CDKAL1: variants seen among roughly 807,000 people sequenced by gnomAD.
CDKAL1 encodes threonylcarbamoyladenosine tRNA methylthiotransferase.
In CDKAL1, 32 loss-of-function variants were observed where a neutral mutation model predicts 68.2. The ratio of observed to expected loss-of-function variants is 0.47; its 90% CI spans 0.35 to 0.63. The LOEUF is 0.63. Among genes scored for constraint, CDKAL1 ranks in the 30% least tolerant of loss-of-function variants. The pLI, the probability that CDKAL1 is intolerant of heterozygous loss-of-function variation, is 0.00. For missense variants in CDKAL1, 606 were observed against 696.7 expected (o/e 0.87, Z 1.47); for synonymous variants, 234 against 244.3 (o/e 0.96, Z 0.39).
At chr6:21,188,287 C>T (rs367982748) in intron 13 of CDKAL1, among the ~76,000 whole-genome samples, 3 of 152,272 alleles carry the variant, frequency 2.0e-5, no homozygotes, top group South Asian at 2.1e-4. Flanking sequence ...GTTTCATCAA[C>T]ACGTTACATG....
At chr6:20,910,304 G>T (rs1017240676) in intron 9 of CDKAL1, among the ~76,000 whole-genome samples, 1 of 152,058 alleles carries the variant, frequency 6.6e-6, no homozygotes, top group Non-Finnish European at 1.5e-5. Flanking sequence ...AGGTAATGCT[G>T]CCTGACCTTG....
chr6:21,137,819 G>T (rs969373794), intron 13 of CDKAL1, among the ~76,000 whole-genome samples: 5 of 152,142 alleles, frequency 3.3e-5, no homozygotes, highest in Non-Finnish European at 7.4e-5. Flanking sequence ...ATAAGCCATG[G>T]TGTCCATATT....
At chr6:20,609,254 C>CT (rs201269364) in intron 4 of CDKAL1, among the ~76,000 whole-genome samples, 1,679 of 90,598 alleles carry the variant, frequency 0.019, 38 homozygotes, top group African/African-American at 0.082. Context: ...CTTCTTCTTC[C>CT]TCCTTCCTTC....
chr6:20,992,794 C>G (rs1418606457), intron 10 of CDKAL1, among the ~76,000 whole-genome samples: 1 of 151,272 alleles, frequency 6.6e-6, no homozygotes, highest in Non-Finnish European at 1.5e-5. Context: ...CCCATCTACT[C>G]GAGAGGCTGA....
chr6:20,757,057 C>T (rs1164483748), intron 6 of CDKAL1, among the ~76,000 whole-genome samples: 1 of 151,882 alleles, frequency 6.6e-6, no homozygotes, highest in Admixed American at 6.6e-5. Context: ...CCTCAGCCTC[C>T]TGAGTAGCTG....
chr6:20,864,214 T>G (rs1172824924), intron 9 of CDKAL1, among the ~76,000 whole-genome samples: 1 of 49,386 alleles, frequency 2.0e-5, no homozygotes, highest in Non-Finnish European at 3.8e-5. Context: ...ATCTGTAATG[T>G]TTTTACTTAA....
At chr6:21,206,020 A>AT (rs1257533376) in intron 15 of CDKAL1, among the ~76,000 whole-genome samples, 10 of 143,968 alleles carry the variant, frequency 6.9e-5, no homozygotes, top group African/African-American at 2.3e-4. Flanking sequence ...TTTTCTTTGT[A>AT]TTTTAGTAGA....
At chr6:21,089,881 G>C (rs1250211390) in intron 12 of CDKAL1, among the ~76,000 whole-genome samples, 1 of 152,170 alleles carries the variant, frequency 6.6e-6, no homozygotes, top group East Asian at 1.9e-4. Context: ...TTGGATTCTT[G>C]TTTGCCTCTG....
chr6:20,896,103 CT>C (rs777787310), intron 9 of CDKAL1, among the ~76,000 whole-genome samples: 41 of 90,154 alleles, frequency 4.5e-4, no homozygotes, highest in South Asian at 2.6e-3. Context: ...CTTTTCTTTT[CT>C]TTTTTTTTTT....
intron 8 of CDKAL1, among the ~76,000 whole-genome samples, chr6:20,835,904 C>T (rs372985795): frequency 6.6e-5 from 10 of 152,172 alleles, no homozygotes; most frequent in African/African-American, 2.2e-4. Flanking sequence ...CTTCTACTAC[C>T]GGCACCAAGA....
intron 3 of CDKAL1, among the ~76,000 whole-genome samples, chr6:20,546,891 G>A (rs1040212249): frequency 6.6e-6 from 1 of 152,084 alleles, no homozygotes; most frequent in Non-Finnish European, 1.5e-5. Flanking sequence ...AGAAGCTGAC[G>A]CTACTGGTCT....
At chr6:21,062,283 A>G (rs532222930) in intron 11 of CDKAL1, among the ~76,000 whole-genome samples, 4 of 152,300 alleles carry the variant, frequency 2.6e-5, no homozygotes, top group South Asian at 4.1e-4. Flanking sequence ...GAGATGGACT[A>G]TTCTCTATTA....
chr6:20,609,264 C>CTCCTT (rs1554162612), intron 4 of CDKAL1, among the ~76,000 whole-genome samples: 2 of 79,938 alleles, frequency 2.5e-5, no homozygotes, highest in Admixed American at 2.5e-4. Flanking sequence ...CTCCTTCCTT[C>CTCCTT]CTCCTCCTTC....
chr6:20,992,208 A>ATATATATATGTATG (rs200094831), intron 10 of CDKAL1, among the ~76,000 whole-genome samples: 25 of 144,558 alleles, frequency 1.7e-4, no homozygotes, highest in African/African-American at 7.1e-4. Flanking sequence ...ATATATATAT[A>ATATATATATGTATG]TATGTATTTT....
At chr6:20,976,755 A>G (rs1309305343) in intron 10 of CDKAL1, among the ~76,000 whole-genome samples, 3 of 152,240 alleles carry the variant, frequency 2.0e-5, no homozygotes, top group African/African-American at 2.4e-5. Flanking sequence ...ATGGATTCAT[A>G]CAGTATGTAC....
In CDKAL1 at chr6:20,554,535, G is replaced by C. The variant is rs936434000; in HGVS notation, c.286+5830G>C. Among the ~76,000 whole-genome samples the C allele has an allele frequency of 2.0e-5, 3 of 152,182 alleles. No homozygotes were observed. In the South Asian group the frequency reaches 6.2e-4, roughly 32 times the overall value. On this transcript the variant is annotated intron_variant, in intron 4 of 15. Coordinates refer to ENST00000274695, the MANE Select transcript of CDKAL1 (RefSeq NM_017774.3). ...ATCTGGTGAATAAAATATGTGCTAT[G>C]ATGTTGCACAATGCTGTTCTAGTTG...
At chr6:21,033,708 A>T (rs1582067659) in intron 11 of CDKAL1, among the ~76,000 whole-genome samples, 1 of 152,210 alleles carries the variant, frequency 6.6e-6, no homozygotes, top group East Asian at 1.9e-4. Context: ...CTGTCCCAGT[A>T]CTCGCTTCAC....
At chr6:20,888,161 T>A (rs2150573479) in intron 9 of CDKAL1, among the ~76,000 whole-genome samples, 1 of 152,070 alleles carries the variant, frequency 6.6e-6, no homozygotes, top group South Asian at 2.1e-4. Flanking sequence ...GTGTGTGATG[T>A]TCCCAGCCCT....
At chr6:20,936,233 G>T (rs1428302947) in intron 9 of CDKAL1, among the ~76,000 whole-genome samples, 4 of 141,988 alleles carry the variant, frequency 2.8e-5, no homozygotes, top group East Asian at 4.1e-4. Flanking sequence ...GTGTCACAGT[G>T]TCTCATAATT....
Sources: gnomAD v4.1 joint callset for allele counts (sites outside exome capture counted in the v4.1 genomes callset) on GRCh38, gnomAD v4.1.1 for gene constraint, MANE v1.5 for transcripts, NCBI Gene and HGNC (gene_info 2026-07-23, HGNC 2026-07-21) for gene names.